ETFA: variants seen among roughly 807,000 people sequenced by gnomAD.
ETFA encodes electron transfer flavoprotein subunit alpha, mitochondrial.
In ETFA, 22 loss-of-function variants were observed where a neutral mutation model predicts 46.2. The observed-to-expected ratio is 0.48, with a 90% CI of 0.34 to 0.68. The LOEUF is 0.68. Among genes scored for constraint, ETFA ranks in the 30% least tolerant of loss-of-function variants. The pLI is 0.01. For synonymous variants in ETFA, 131 were observed against 139.9 expected (o/e 0.94, Z 0.45); for missense variants, 345 against 401.1 (o/e 0.86, Z 1.19).
At chr15:76,227,285 G>A (rs1306777571) in intron 10 of ETFA, among the ~76,000 whole-genome samples, 1 of 151,944 alleles carries the variant, frequency 6.6e-6, no homozygotes, top group Non-Finnish European at 1.5e-5. Context: ...GAGAGGCTGA[G>A]GCAGGCGGAT....
At chr15:76,283,886 T>C (rs2039679897) in intron 7 of ETFA, 61 bp from the exon 8 acceptor site, 1 of 1,300,804 alleles carries the variant, frequency 7.7e-7, no homozygotes. Flanking sequence ...TGGAACAATT[T>C]TGCTATTTTA....
At chr15:76,218,464 T>A (rs1322756634) in intron 11 of ETFA, among the ~76,000 whole-genome samples, 1 of 152,122 alleles carries the variant, frequency 6.6e-6, no homozygotes, top group Admixed American at 6.5e-5. Flanking sequence ...AGAGATGGGG[T>A]TTCACCAAGT....
chr15:76,303,310 A>AAAAC (rs1287419129), intron 1 of ETFA, among the ~76,000 whole-genome samples: 1 of 152,160 alleles, frequency 6.6e-6, no homozygotes, highest in Non-Finnish European at 1.5e-5. Context: ...TCCATCTCAA[A>AAAAC]AAACAAACAA....
rs2039376671 is a variant in ETFA at position 76,259,244 on chromosome 15, G to A, written c.816+15168C>T. 4.5e-6 allele frequency: 7 copies of A among 1,557,904 alleles called. No individual in the cohort carries two copies. The Admixed American group carries it at 8.3e-5, about 19-fold the overall frequency. ...TGGGCTCCTTGGCTCTCTCGATGTTGATGTATAAGGGGTCCTGGCTGGCGG... is the reference window on the plus strand; with the variant it reads ...TGGGCTCCTTGGCTCTCTCGATGTTAATGTATAAGGGGTCCTGGCTGGCGG... On this transcript the variant is annotated intron_variant, in intron 9 of 11. Coordinates refer to ENST00000557943, the MANE Select transcript of ETFA (RefSeq NM_000126.4).
At chr15:76,295,785 G>GTTT in intron 1 of ETFA, 48 bp from the exon 2 acceptor site, 1 of 1,423,470 alleles carries the variant, frequency 7.0e-7, no homozygotes, top group Non-Finnish European at 9.5e-7. Context: ...GTTGTCACAG[G>GTTT]GTTTTTTTTT....
At chr15:76,251,129 C>T (rs2039293863) in intron 9 of ETFA, among the ~76,000 whole-genome samples, 1 of 152,066 alleles carries the variant, frequency 6.6e-6, no homozygotes, top group African/African-American at 2.4e-5. Context: ...GGAAAAGAAG[C>T]TGCTGGGCAG....
At chr15:76,232,479 T>C (rs1388558735) in intron 9 of ETFA, among the ~76,000 whole-genome samples, 1 of 152,132 alleles carries the variant, frequency 6.6e-6, no homozygotes, top group Admixed American at 6.5e-5. Flanking sequence ...ATATGAATAA[T>C]ATGTGGAAGG....
rs549321795 is a variant in ETFA at position 76,219,387 on chromosome 15, G to A, written c.964-2790C>T. Among the ~76,000 whole-genome samples the A allele has an allele frequency of 2.6e-4, 39 of 152,100 alleles. 1 individual carries two copies. In the South Asian group the frequency reaches 6.8e-3, roughly 27 times the overall value. On this transcript the variant is annotated intron_variant, in intron 11 of 11. Transcript: ENST00000557943. Reference sequence around the variant, plus strand: ...CCATAAAACTCTTATAAGAAAACAGGGGTGAATCTTCATGACCCAATATTT... The same window carrying A: ...CCATAAAACTCTTATAAGAAAACAGAGGTGAATCTTCATGACCCAATATTT...
At chr15:76,301,557 G>A (rs1025821727) in intron 1 of ETFA, among the ~76,000 whole-genome samples, 29 of 152,204 alleles carry the variant, frequency 1.9e-4, no homozygotes, top group African/African-American at 6.3e-4. Context: ...CTAAAAATAC[G>A]AAAATTAGCT....
Position 76,272,296 on chromosome 15 carries a change from C to T in ETFA, c.816+2116G>A, listed in dbSNP as rs564009762. On this transcript the variant is annotated intron_variant, in intron 9 of 11. Transcript: ENST00000557943. ...AGTGCAGTGGCACAATCTCGGCTCA[C>T]TGCAACCTCCGCCTCCTGGGTTCAA... Among the ~76,000 whole-genome samples the T allele has an allele frequency of 5.3e-5, 8 of 151,434 alleles. No homozygotes were observed. In the South Asian group the frequency reaches 1.7e-3, roughly 32 times the overall value.
chr15:76,244,991 G>A (rs2039231129), intron 9 of ETFA, among the ~76,000 whole-genome samples: 1 of 152,280 alleles, frequency 6.6e-6, no homozygotes, highest in East Asian at 1.9e-4. Flanking sequence ...AGAGCAATCA[G>A]TCTAGTAAAA....
intron 9 of ETFA, among the ~76,000 whole-genome samples, chr15:76,233,476 T>G (rs2039091463): frequency 6.6e-6 from 1 of 151,934 alleles, no homozygotes; most frequent in Non-Finnish European, 1.5e-5. Flanking sequence ...ACTACAGGTG[T>G]ATGCCACCCC....
chr15:76,295,367 G>A (rs980059941), intron 2 of ETFA, among the ~76,000 whole-genome samples: 1 of 152,204 alleles, frequency 6.6e-6, no homozygotes, highest in Non-Finnish European at 1.5e-5. Flanking sequence ...GATGGTGCCA[G>A]TGGAACTAAA....
chr15:76,294,106 T>C (rs2039795085), intron 2 of ETFA, among the ~76,000 whole-genome samples: 1 of 152,242 alleles, frequency 6.6e-6, no homozygotes, highest in Non-Finnish European at 1.5e-5. Context: ...CTGGTTGTTT[T>C]CTTTAAAATT....
At position 76,260,308 on chromosome 15, in the gene ETFA, C is replaced by T. The variant is rs546563405; in HGVS notation, c.816+14104G>A. 24 of 1,252,256 alleles carry T rather than the reference C, an allele frequency of 1.9e-5. No homozygotes were observed. In the African/African-American group the frequency reaches 3.5e-4, roughly 19 times the overall value. 77.6% of individuals were successfully genotyped at this position (1,252,256 alleles called of 1,614,324 possible). ...ATGGCTGGCTCTCCCCGGGAAATGA[C>T]ACTGTCAAAGCCTTGCCCAAACCAC... On this transcript the variant is annotated intron_variant, in intron 9 of 11. Transcript: ENST00000557943.
chr15:76,277,130 A>T (rs1314248474), intron 8 of ETFA, among the ~76,000 whole-genome samples: 1 of 152,200 alleles, frequency 6.6e-6, no homozygotes, highest in East Asian at 1.9e-4. Context: ...CTAAGACCGT[A>T]CCTCAATAAG....
intron 9 of ETFA, among the ~76,000 whole-genome samples, chr15:76,270,454 C>G (rs1160460985): frequency 6.6e-6 from 1 of 152,172 alleles, no homozygotes; most frequent in Non-Finnish European, 1.5e-5. Flanking sequence ...TTTGTATATG[C>G]AGGTAAATAT....
At chr15:76,303,519 GT>G (rs144886912) in intron 1 of ETFA, among the ~76,000 whole-genome samples, 26,124 of 151,836 alleles carry the variant, frequency 0.17, 3,256 homozygotes, top group African/African-American at 0.35. Context: ...TATCAACAAA[GT>G]AAACAGACAA....
At chr15:76,254,573 C>T (rs199508068) in intron 9 of ETFA, among the ~76,000 whole-genome samples, 2 of 152,174 alleles carry the variant, frequency 1.3e-5, no homozygotes, top group Non-Finnish European at 2.9e-5. Flanking sequence ...CCCCAAGACC[C>T]TTTCAGGGAT....
Sources: allele counts gnomAD v4.1 joint callset (sites outside exome capture counted in the v4.1 genomes callset), GRCh38; gene constraint gnomAD v4.1.1; transcripts MANE v1.5; gene names NCBI Gene and HGNC (gene_info 2026-07-23, HGNC 2026-07-21).